Variants in TICAM2 observed in about 807,000 individuals in gnomAD.
TICAM2 encodes the protein TIR domain containing adaptor molecule 2, also known as TIR domain-containing adapter molecule 2.
Under a neutral mutation model 7.3 loss-of-function variants are expected in TICAM2, and 8 were observed. The observed-to-expected ratio is 1.10, with a 90% CI of 0.65 to 1.99. The LOEUF is 1.99. Ranked by LOEUF, TICAM2 falls within the 30% of genes most tolerant of loss-of-function variation. The pLI is 0.00. For missense variants in TICAM2, 304 were observed against 278.8 expected, an observed-to-expected ratio of 1.09 and a Z score of -0.65; for synonymous variants, 113 against 99.6, an observed-to-expected ratio of 1.13 and a Z score of -0.80.
rs114244089 is a variant in TICAM2, at chr5:115,593,164, A to G, written c.-60+8933T>C. Among the ~76,000 whole-genome samples the G allele has an allele frequency of 4.4e-3, 666 of 152,298 alleles. 4 individuals are homozygous for G. The highest frequency in any genetic ancestry group is 0.015 in the African/African-American group (641 of 41,566). ...TCTCAAAAATTTAAAACAAAAATCA[A>G]TGTAAGTAATCACATTGACAATTAA... On this transcript the variant is annotated intron_variant, in intron 1 of 1. Coordinates refer to ENST00000427199, the MANE Select transcript of TICAM2 (RefSeq NM_021649.7).
intron 1 of TICAM2, among the ~76,000 whole-genome samples, chr5:115,582,461 C>A (rs1209043012): frequency 6.6e-6 from 1 of 151,498 alleles, no homozygotes; most frequent in Non-Finnish European, 1.5e-5. Flanking sequence ...GTATGAGCTA[C>A]CACGTCTGGC....
At chr5:115,584,118 G>T (rs1462476416) in intron 1 of TICAM2, among the ~76,000 whole-genome samples, 1 of 151,914 alleles carries the variant, frequency 6.6e-6, no homozygotes, top group Non-Finnish European at 1.5e-5. Context: ...AGTTTCTCCT[G>T]CATCTTTCCA....
intron 1 of TICAM2, among the ~76,000 whole-genome samples, chr5:115,584,032 T>A (rs748722751): frequency 2.1e-4 from 32 of 152,228 alleles, no homozygotes; most frequent in Admixed American, 7.2e-4. Context: ...TTACTTTTTT[T>A]AAAAAAAGGT....
At position 115,579,358 on chromosome 5, in the gene TICAM2, T is replaced by G. The variant is rs1378633960; in HGVS notation, c.*1191A>C. On this transcript the variant is annotated 3_prime_UTR_variant, in exon 2 of 2. Transcript: ENST00000427199. Reference sequence around the variant, plus strand: ...CTTTCATTTCACAGATAAAGGAGGGTAAATAGTTTGCCCACAGTTACATTC... The same window carrying G: ...CTTTCATTTCACAGATAAAGGAGGGGAAATAGTTTGCCCACAGTTACATTC... 1.3e-5 allele frequency: 2 copies of G among 152,286 alleles called. No homozygotes were observed. Among genetic ancestry groups the G allele is most frequent in the East Asian group, 3.9e-4 (2 of 5,186 alleles). 9.4% of individuals were successfully genotyped at this position (152,286 alleles called of 1,614,324 possible). A position where few individuals can be genotyped will look rare whatever the true frequency, so the allele number is the denominator to read the frequency against.
At position 115,583,574 on chromosome 5, in the gene TICAM2, T is replaced by C. The variant is rs865824135; in HGVS notation, c.-59-2259A>G. Among the ~76,000 whole-genome samples, 3 of 152,172 alleles carry C rather than the reference T, an allele frequency of 2.0e-5. No individual in the cohort carries two copies. The South Asian group carries it at 6.2e-4, about 32-fold the overall frequency. On this transcript the variant is annotated intron_variant, in intron 1 of 1. Coordinates refer to ENST00000427199, the MANE Select transcript of TICAM2 (RefSeq NM_021649.7). ...CAATGTCTATAAAACTTTACCATCATCTTCTAATCTGGAGGGAGGGAGTAA... is the reference window on the plus strand; with the variant it reads ...CAATGTCTATAAAACTTTACCATCACCTTCTAATCTGGAGGGAGGGAGTAA...
intron 1 of TICAM2, among the ~76,000 whole-genome samples, chr5:115,582,933 C>T (rs184363708): frequency 5.3e-5 from 8 of 152,270 alleles, no homozygotes; most frequent in South Asian, 2.1e-4. Context: ...TTGCAGCTGC[C>T]TCTGACTAGT....
At chr5:115,584,557 GT>G (rs1755036840) in intron 1 of TICAM2, among the ~76,000 whole-genome samples, 2 of 152,180 alleles carry the variant, frequency 1.3e-5, no homozygotes, top group Admixed American at 1.3e-4. Context: ...ATTTCCATTT[GT>G]AACAGTGATT....
chr5:115,602,173 TGGGCGTCTTGCCCC>T lies in TICAM2; in HGVS notation c.-150_-137del, dbSNP rs1454168118. On this transcript the variant is annotated 5_prime_UTR_variant, in exon 1 of 2. Transcript: ENST00000427199. ...TGGCCCAGCGAGAGCGCCCAGGGGG[TGGGCGTCTTGCCCC>T]GGGCGTCGAGAGTTTGGGGCCGTCC... 6.6e-6 allele frequency: 1 copy of T among 152,150 alleles called. No individual in the cohort carries two copies. Among genetic ancestry groups the T allele is most frequent in the Non-Finnish European group, 1.5e-5 (1 of 68,134 alleles). 9.4% of individuals were successfully genotyped at this position (152,150 alleles called of 1,614,324 possible). A position where few individuals can be genotyped will look rare whatever the true frequency, so the allele number is the denominator to read the frequency against.
At chr5:115,592,118 G>GA (rs1216477443) in intron 1 of TICAM2, among the ~76,000 whole-genome samples, 1 of 152,084 alleles carries the variant, frequency 6.6e-6, no homozygotes, top group Admixed American at 6.5e-5. Context: ...CGTGATGAAA[G>GA]AAAATAGCTG....
intron 1 of TICAM2, among the ~76,000 whole-genome samples, chr5:115,588,250 G>A (rs1364722045): frequency 6.6e-6 from 1 of 152,168 alleles, no homozygotes; most frequent in Non-Finnish European, 1.5e-5. Flanking sequence ...TTAGAATTAA[G>A]GTCTTATCCT....
At chr5:115,601,503 T>A (rs566554559) in intron 1 of TICAM2, among the ~76,000 whole-genome samples, 1 of 152,144 alleles carries the variant, frequency 6.6e-6, no homozygotes, top group Non-Finnish European at 1.5e-5. Flanking sequence ...TAATGGTGTA[T>A]TTTTACCTCC....
intron 1 of TICAM2, among the ~76,000 whole-genome samples, chr5:115,588,515 G>A (rs1580410956): frequency 6.6e-6 from 1 of 152,208 alleles, no homozygotes; most frequent in South Asian, 2.1e-4. Context: ...AGAAGTTTAG[G>A]TTTGAAAAGA....
intron 1 of TICAM2, among the ~76,000 whole-genome samples, chr5:115,591,299 G>A (rs547805408): frequency 1.3e-5 from 2 of 152,150 alleles, no homozygotes; most frequent in African/African-American, 4.8e-5. Flanking sequence ...CTAGGTGTAC[G>A]AGTGATCTAA....
At chr5:115,585,839 T>C (rs1034942319) in intron 1 of TICAM2, among the ~76,000 whole-genome samples, 3 of 152,036 alleles carry the variant, frequency 2.0e-5, no homozygotes, top group Non-Finnish European at 2.9e-5. Flanking sequence ...AAGGCAGGAA[T>C]AGAAGGCAGG....
In TICAM2 at chr5:115,578,828, C is replaced by G. The variant is rs900533996; in HGVS notation, c.*1721G>C. ...CTGAAAAAGAGAAGTGAGTAGTAAG[C>G]TACTATCAGAACGTTAAGGCTAAGA... On this transcript the variant is annotated 3_prime_UTR_variant, in exon 2 of 2. Coordinates refer to ENST00000427199, the MANE Select transcript of TICAM2 (RefSeq NM_021649.7). 4 of 152,066 alleles carry G rather than the reference C, an allele frequency of 2.6e-5. No individual in the cohort carries two copies. Among genetic ancestry groups the G allele is most frequent in the Non-Finnish European group, 5.9e-5 (4 of 68,010 alleles). The allele number at this position is 152,066 out of a possible 1,614,324, so 9.4% of individuals were successfully genotyped here.
chr5:115,581,183 G>C lies in TICAM2; in HGVS notation c.74C>G (p.Thr25Arg). 6.2e-7 allele frequency: 1 copy of C among 1,613,506 alleles called. No individual in the cohort carries two copies. Among genetic ancestry groups the C allele is most frequent in the South Asian group, 1.1e-5 (1 of 91,032 alleles). The stretch of plus-strand genomic sequence containing the variant: ...ATCTGACTCATGATATCCTGGACTT[G>C]TATCCACACTGTGCCTTTTACCCCA... ...LSWGKRHSVD[T>R]SPGYHESDSK... Residue 25 changes from threonine (T) to arginine (R), a missense_variant, in exon 2 of 2, where the codon ACA (threonine) becomes AGA (arginine). Thr to Arg is a moderately conservative substitution (Grantham distance 71, BLOSUM62 -1). Transcript: ENST00000427199.
At chr5:115,600,399 G>T (rs1755678642) in intron 1 of TICAM2, among the ~76,000 whole-genome samples, 1 of 152,170 alleles carries the variant, frequency 6.6e-6, no homozygotes, top group East Asian at 1.9e-4. Context: ...ATTATTTATA[G>T]CCAAGGAATA....
chr5:115,596,812 G>A (rs112577223), intron 1 of TICAM2, among the ~76,000 whole-genome samples: 6,969 of 152,150 alleles, frequency 0.046, 185 homozygotes, highest in Middle Eastern at 0.12. Context: ...CCAGCTACTC[G>A]GGAGGCTGAG....
chr5:115,594,989 G>C (rs969050663), intron 1 of TICAM2, among the ~76,000 whole-genome samples: 1 of 152,028 alleles, frequency 6.6e-6, no homozygotes, highest in East Asian at 1.9e-4. Flanking sequence ...CCTTCTCTAG[G>C]TTTGTAGCAC....
Sources: gnomAD v4.1 joint callset for allele counts (sites outside exome capture counted in the v4.1 genomes callset) on GRCh38, gnomAD v4.1.1 for gene constraint, MANE v1.5 for transcripts, NCBI Gene and HGNC (gene_info 2026-07-23, HGNC 2026-07-21) for gene names.